ZMYM2: variants seen among roughly 807,000 people sequenced by gnomAD.
ZMYM2 encodes the protein zinc finger MYM-type containing 2.
Under a neutral mutation model 162.8 loss-of-function variants are expected in ZMYM2, and 56 were observed. The ratio of observed to expected loss-of-function variants is 0.34; its 90% confidence interval spans 0.28 to 0.43. The LOEUF (loss-of-function observed/expected upper bound fraction) is 0.43. Ranked by LOEUF, ZMYM2 falls within the 20% of genes least tolerant of loss-of-function variation. The probability of loss-of-function intolerance (pLI) is 1.00; values close to 1 mark genes in which losing one functional copy is unlikely to be tolerated. For synonymous variants in ZMYM2, 510 were observed against 541.6 expected, an observed-to-expected ratio of 0.94 and a Z score of 0.81; for missense variants, 1,275 against 1,621.8, an observed-to-expected ratio of 0.79 and a Z score of 3.67.
chr13:20,034,217 C>G (rs774798165), intron 10 of ZMYM2, 37 bp from the exon 11 acceptor site: 2 of 361,666 alleles, frequency 5.5e-6, no homozygotes, highest in Admixed American at 1.0e-4. Context: ...TTAAGCTTGT[C>G]GTCATATACT....
At chr13:20,015,624 G>A (rs757032615) in intron 6 of ZMYM2, among the ~76,000 whole-genome samples, 3 of 151,942 alleles carry the variant, frequency 2.0e-5, no homozygotes, top group African/African-American at 4.8e-5. Context: ...CTCCTTTTAC[G>A]TCTGTTAATT....
intron 19 of ZMYM2, among the ~76,000 whole-genome samples, chr13:20,065,444 A>C (rs1313272252): frequency 6.6e-6 from 1 of 152,206 alleles, no homozygotes; most frequent in East Asian, 1.9e-4. Context: ...GGAAAAATAA[A>C]TAAATAAACT....
At position 20,082,774 on chromosome 13, in the gene ZMYM2, A is replaced by T; in HGVS notation, c.3569-7A>T. 1 of 1,576,222 alleles carries T rather than the reference A, an allele frequency of 6.3e-7. No individual in the cohort carries two copies. Among genetic ancestry groups the T allele is most frequent in the Non-Finnish European group, 8.6e-7 (1 of 1,159,608 alleles). On this transcript the variant is annotated splice_polypyrimidine_tract_variant and splice_region_variant and intron_variant, in intron 22 of 24. Coordinates refer to ENST00000610343, the MANE Select transcript of ZMYM2 (RefSeq NM_197968.4). ...TAATTCTTTTAAAATAGTTCTCTCT[A>T]TTTAAGGGTCAATATTCTCTCGAGT...
chr13:20,026,474 T>G (rs1459809522), intron 7 of ZMYM2, 138 bp from the exon 8 acceptor site: 1 of 746,378 alleles, frequency 1.3e-6, no homozygotes, highest in East Asian at 2.8e-5. Flanking sequence ...TGTATGTAGA[T>G]GAAGACTCAT....
At chr13:20,053,844 T>C (rs962522420) in intron 14 of ZMYM2, among the ~76,000 whole-genome samples, 13 of 152,338 alleles carry the variant, frequency 8.5e-5, no homozygotes, top group Non-Finnish European at 1.0e-4. Context: ...AATAACATTT[T>C]AAAATCAGAT....
chr13:19,946,294 T>G, the ZMYM2 span, among the ~76,000 whole-genome samples: 1 of 152,230 alleles, frequency 6.6e-6, no homozygotes, highest in Admixed American at 6.5e-5. Flanking sequence ...TCCTGTCTCC[T>G]TAGTGTGGCC....
the ZMYM2 span, among the ~76,000 whole-genome samples, chr13:19,952,237 C>G: frequency 1.3e-5 from 2 of 151,918 alleles, no homozygotes; most frequent in African/African-American, 4.8e-5. Flanking sequence ...GGGGTGGTGG[C>G]ATGAGAGTTT....
intron 12 of ZMYM2, among the ~76,000 whole-genome samples, chr13:20,042,721 A>T (rs1030845141): frequency 3.4e-5 from 5 of 147,978 alleles, no homozygotes; most frequent in African/African-American, 1.3e-4. Context: ...TTTTATTATT[A>T]TTATTTTTTT....
At chr13:19,991,305 A>G (rs1213725567) in intron 2 of ZMYM2, among the ~76,000 whole-genome samples, 1 of 151,752 alleles carries the variant, frequency 6.6e-6, no homozygotes, top group Non-Finnish European at 1.5e-5. Flanking sequence ...TATTTAGTAG[A>G]TTTGAGGTCT....
At chr13:20,043,047 A>T (rs1954419421) in intron 12 of ZMYM2, among the ~76,000 whole-genome samples, 1 of 151,774 alleles carries the variant, frequency 6.6e-6, no homozygotes, top group African/African-American at 2.4e-5. Context: ...TGTATCCTAT[A>T]TTTGATGACC....
At chr13:19,879,011 A>C in the ZMYM2 span, among the ~76,000 whole-genome samples, 4 of 152,154 alleles carry the variant, frequency 2.6e-5, no homozygotes, top group Non-Finnish European at 5.9e-5. Context: ...CCAATTTGTC[A>C]ATTTTTTCTC....
chr13:20,019,549 A>G lies in ZMYM2; in HGVS notation c.1515A>G (p.Val505=). Residue 505 remains valine, a splice_region_variant and synonymous_variant, in exon 7 of 25, where the codon GTA becomes GTG. Coordinates refer to ENST00000610343, the MANE Select transcript of ZMYM2 (RefSeq NM_197968.4). The stretch of plus-strand genomic sequence containing the variant: ...AGTCTTTTAAAATCTTTTTTTAGGT[A>G]GGTAGCCATCCAAGCTTCCTGAAGG... ...CQSCVSEYKQ[V]GSHPSFLKEV... is the part of the protein sequence containing the mutation. 6.3e-7 allele frequency: 1 copy of G among 1,582,994 alleles called. No individual in the cohort carries two copies. The highest frequency in any genetic ancestry group is 8.6e-7 in the Non-Finnish European group (1 of 1,163,970).
chr13:19,940,450 A>G, the ZMYM2 span, among the ~76,000 whole-genome samples: 37 of 152,272 alleles, frequency 2.4e-4, no homozygotes, highest in Non-Finnish European at 5.3e-4. Flanking sequence ...CATGATATTT[A>G]CTACACTACA....
intron 6 of ZMYM2, among the ~76,000 whole-genome samples, chr13:20,006,799 A>C (rs1239827883): frequency 6.6e-6 from 1 of 152,180 alleles, no homozygotes; most frequent in Non-Finnish European, 1.5e-5. Context: ...GTATTTATTC[A>C]TTTGAGGTAG....
At chr13:19,895,662 C>G in the ZMYM2 span, among the ~76,000 whole-genome samples, 2,116 of 151,912 alleles carry the variant, frequency 0.014, 29 homozygotes, top group Middle Eastern at 0.034. Context: ...TTCATGAGGG[C>G]AGAGCCTACG....
intron 2 of ZMYM2, chr13:19,965,241 T>C: frequency 1.5e-6 from 2 of 1,300,684 alleles, no homozygotes; most frequent in Non-Finnish European, 1.0e-6. Context: ...TATATTACTC[T>C]CTGCCGTAGT....
the ZMYM2 span, among the ~76,000 whole-genome samples, chr13:19,931,957 T>A: frequency 6.6e-6 from 1 of 152,216 alleles, no homozygotes; most frequent in Non-Finnish European, 1.5e-5. Context: ...GGACTTAATA[T>A]TTAATTTCCA....
chr13:19,912,165 G>A, the ZMYM2 span, among the ~76,000 whole-genome samples: 8 of 152,144 alleles, frequency 5.3e-5, no homozygotes, highest in Non-Finnish European at 1.0e-4. Flanking sequence ...CACACTGTCC[G>A]TAAGGTCCAC....
At chr13:19,946,980 T>C in the ZMYM2 span, among the ~76,000 whole-genome samples, 1 of 151,652 alleles carries the variant, frequency 6.6e-6, no homozygotes, top group Non-Finnish European at 1.5e-5. Context: ...ATGTCACTTT[T>C]CCAGGGTTGG....
Sources: allele counts gnomAD v4.1 joint callset (sites outside exome capture counted in the v4.1 genomes callset), GRCh38; gene constraint gnomAD v4.1.1; transcripts MANE v1.5; gene names NCBI Gene and HGNC (gene_info 2026-07-23, HGNC 2026-07-21).